INPP4B: variants seen among roughly 807,000 people sequenced by gnomAD.
The protein encoded by INPP4B is inositol polyphosphate 4-phosphatase type II.
A neutral mutation model predicts 122.5 loss-of-function variants in INPP4B; 55 were observed. The ratio of observed to expected loss-of-function variants is 0.45; its 90% CI spans 0.36 to 0.56. The LOEUF is 0.56. Among genes scored for constraint, INPP4B ranks in the 20% least tolerant of loss-of-function variants. The probability of loss-of-function intolerance (pLI) is 0.00; values close to 1 mark genes in which losing one functional copy is unlikely to be tolerated. For synonymous variants in INPP4B, 403 were observed against 388.7 expected (o/e 1.04, Z -0.43); for missense variants, 1,000 against 1,097.7 (o/e 0.91, Z 1.26).
intron 21 of INPP4B, among the ~76,000 whole-genome samples, chr4:142,116,337 A>C (rs529482148): frequency 6.6e-6 from 1 of 152,184 alleles, no homozygotes; most frequent in East Asian, 1.9e-4. Flanking sequence ...AGAACTCTCC[A>C]CCCCAAATCA....
intron 7 of INPP4B, among the ~76,000 whole-genome samples, chr4:142,317,965 A>C (rs1156805543): frequency 6.6e-6 from 1 of 152,162 alleles, no homozygotes; most frequent in Admixed American, 6.6e-5. Context: ...CCACTGAAGT[A>C]TGCCAGGCAA....
chr4:142,713,851 A>G (rs1763415999), intron 2 of INPP4B, among the ~76,000 whole-genome samples: 1 of 152,202 alleles, frequency 6.6e-6, no homozygotes, highest in Non-Finnish European at 1.5e-5. Context: ...AATGTGTTAA[A>G]GTGTTACCCT....
At chr4:142,438,086 T>C (rs182543385) in intron 3 of INPP4B, among the ~76,000 whole-genome samples, 1 of 152,330 alleles carries the variant, frequency 6.6e-6, no homozygotes, top group Non-Finnish European at 1.5e-5. Context: ...TCCACGCTCA[T>C]GGATAGGAAG....
intron 1 of INPP4B, among the ~76,000 whole-genome samples, chr4:142,751,533 A>G (rs1299332084): frequency 6.6e-6 from 1 of 152,104 alleles, no homozygotes; most frequent in African/African-American, 2.4e-5. Context: ...GCATCCCTGA[A>G]AATCTTCAAG....
intron 25 of INPP4B, among the ~76,000 whole-genome samples, chr4:142,060,928 G>A (rs906947932): frequency 2.0e-5 from 3 of 152,208 alleles, no homozygotes; most frequent in Non-Finnish European, 4.4e-5. Context: ...GATTTTGCTC[G>A]TAATTACTTA....
chr4:142,314,606 G>T (rs979996940), intron 8 of INPP4B, 106 bp downstream of exon 8: 1 of 1,035,368 alleles, frequency 9.7e-7, no homozygotes, highest in Non-Finnish European at 1.5e-6. Context: ...CCCTGTTAAT[G>T]TAATTCAATT....
intron 2 of INPP4B, among the ~76,000 whole-genome samples, chr4:142,673,836 AT>A (rs1190712749): frequency 2.0e-5 from 3 of 152,128 alleles, no homozygotes; most frequent in Non-Finnish European, 4.4e-5. Flanking sequence ...AGAAAGAGCT[AT>A]TCCTAGATGC....
At chr4:142,229,610 CCAAG>C (rs1561546555) in intron 12 of INPP4B, among the ~76,000 whole-genome samples, 1 of 152,058 alleles carries the variant, frequency 6.6e-6, no homozygotes, top group East Asian at 1.9e-4. Context: ...ATGATCAGGA[CCAAG>C]CAACTCTCAA....
intron 2 of INPP4B, among the ~76,000 whole-genome samples, chr4:142,475,066 A>G (rs1325971204): frequency 1.3e-4 from 20 of 152,192 alleles, no homozygotes. Flanking sequence ...AGCAGATTAG[A>G]ACTGACCCAG....
At chr4:142,558,087 C>A (rs1560797878) in intron 2 of INPP4B, among the ~76,000 whole-genome samples, 1 of 152,198 alleles carries the variant, frequency 6.6e-6, no homozygotes, top group Admixed American at 6.5e-5. Context: ...CATCCTAAGA[C>A]ACGGGTCCCA....
At chr4:142,679,247 AG>A (rs1298005814) in intron 2 of INPP4B, among the ~76,000 whole-genome samples, 1 of 151,912 alleles carries the variant, frequency 6.6e-6, no homozygotes, top group Non-Finnish European at 1.5e-5. Context: ...TGCCTTAGCA[AG>A]TGAGGAAAAC....
Position 142,277,682 on chromosome 4 carries a change from TACACACACAC to T in INPP4B, c.504-6918_504-6909del, listed in dbSNP as rs3076592. ...AGAAAATATCATACACACACACACA[TACACACACAC>T]ACACACACACACACACCATGGAATA... On this transcript the variant is annotated intron_variant, in intron 9 of 25. Coordinates refer to ENST00000262992, the MANE Select transcript of INPP4B (RefSeq NM_001101669.3). Among the ~76,000 whole-genome samples the T allele has an allele frequency of 2.3e-4, 34 of 147,178 alleles. No individual in the cohort carries two copies. The East Asian group carries it at 6.8e-3, about 30-fold the overall frequency.
At chr4:142,208,263 C>T (rs1244319349) in intron 14 of INPP4B, among the ~76,000 whole-genome samples, 162 bp downstream of exon 14, 1 of 152,098 alleles carries the variant, frequency 6.6e-6, no homozygotes, top group Non-Finnish European at 1.5e-5. Context: ...ACAAAAATAT[C>T]ATAGTCTCTT....
chr4:142,165,592 C>T (rs1822339582), intron 16 of INPP4B, among the ~76,000 whole-genome samples: 1 of 151,624 alleles, frequency 6.6e-6, no homozygotes, highest in South Asian at 2.1e-4. Flanking sequence ...TTTTGTGATA[C>T]CCAGTAATGT....
At chr4:142,640,209 G>A (rs1221323416) in intron 2 of INPP4B, among the ~76,000 whole-genome samples, 2 of 151,590 alleles carry the variant, frequency 1.3e-5, no homozygotes, top group East Asian at 3.9e-4. Flanking sequence ...AACTAATTTA[G>A]AAACATAAAT....
intron 2 of INPP4B, among the ~76,000 whole-genome samples, chr4:142,582,231 T>A (rs1279027444): frequency 6.6e-6 from 1 of 151,664 alleles, no homozygotes; most frequent in Non-Finnish European, 1.5e-5. Context: ...TGGCTATAGG[T>A]TGTAAAAAAG....
At chr4:142,843,283 C>T (rs1185074318) in intron 1 of INPP4B, among the ~76,000 whole-genome samples, 2 of 151,858 alleles carry the variant, frequency 1.3e-5, no homozygotes, top group East Asian at 1.9e-4. Context: ...ATTTAATAAT[C>T]TCATTTCTGA....
rs117430784 is a variant in INPP4B at position 142,090,051 on chromosome 4, C to T, written c.2375-3795G>A. Among the ~76,000 whole-genome samples the T allele has an allele frequency of 1.3e-3, 205 of 152,246 alleles. 2 individuals carry two copies. In the East Asian group the frequency reaches 0.027, roughly 20 times the overall value. On this transcript the variant is annotated intron_variant, in intron 23 of 25. Transcript: ENST00000262992. Reference sequence around the variant, plus strand: ...ACACAATAGACCAAATTCTTCAGAACGCTGAGACTCCAGAACAGAGCATGA... The same window carrying T: ...ACACAATAGACCAAATTCTTCAGAATGCTGAGACTCCAGAACAGAGCATGA...
intron 8 of INPP4B, among the ~76,000 whole-genome samples, chr4:142,310,435 G>T (rs1429218506): frequency 6.6e-6 from 1 of 151,732 alleles, no homozygotes; most frequent in Non-Finnish European, 1.5e-5. Context: ...ACAGCTGCTT[G>T]AAAATTTAAA....
Sources: allele counts gnomAD v4.1 joint callset (sites outside exome capture counted in the v4.1 genomes callset), GRCh38; gene constraint gnomAD v4.1.1; transcripts MANE v1.5; gene names NCBI Gene and HGNC (gene_info 2026-07-23, HGNC 2026-07-21).